The following COL15A1 variants were observed in gnomAD, a reference collection of about 807,000 sequenced individuals.
The protein encoded by COL15A1 is collagen type XV alpha 1 chain, also known as collagen alpha-1(XV) chain.
COL15A1 carries 111 observed loss-of-function variants against 165.9 expected under a neutral mutation model. The ratio of observed to expected loss-of-function variants is 0.67; its 90% CI spans 0.57 to 0.78. The LOEUF is 0.78. Among genes scored for constraint, COL15A1 ranks in the 30% least tolerant of loss-of-function variants. COL15A1 has a pLI of 0.00. For synonymous variants in COL15A1, 659 were observed against 674.8 expected, an observed-to-expected ratio of 0.98 and a Z score of 0.36; for missense variants, 1,745 against 1,789.7, an observed-to-expected ratio of 0.98 and a Z score of 0.45.
intron 2 of COL15A1, among the ~76,000 whole-genome samples, chr9:98,956,481 G>T (rs1307618383): frequency 6.6e-6 from 1 of 152,064 alleles, no homozygotes; most frequent in Non-Finnish European, 1.5e-5. Flanking sequence ...ACATCTGTGT[G>T]TGTATGTATA....
In COL15A1 at chr9:99,048,519, ATTTTGTTTTGTTTTG is replaced by A. The variant is rs112566357; in HGVS notation, c.2793+534_2793+548del. On this transcript the variant is annotated intron_variant, in intron 28 of 41. Transcript: ENST00000375001. ...TGTGTACCAGACACTGTGCAAAGTG[ATTTTGTTTTGTTTTG>A]TTTTGTTTTGTTTTATTATTATTAT... 2.0e-5 allele frequency among the ~76,000 whole-genome samples: 3 copies of A among 151,902 alleles called. No homozygotes were observed. In the South Asian group the frequency reaches 6.2e-4, roughly 32 times the overall value.
chr9:99,038,143 A>G (rs1424869126), intron 21 of COL15A1, among the ~76,000 whole-genome samples: 1 of 147,698 alleles, frequency 6.8e-6, no homozygotes, highest in African/African-American at 2.5e-5. Context: ...AAAATCAAAT[A>G]TGTGTAAGGG....
intron 12 of COL15A1, 144 bp from the exon 13 acceptor site, chr9:99,021,947 C>T: frequency 8.9e-7 from 1 of 1,117,528 alleles, no homozygotes; most frequent in Admixed American, 1.8e-5. Context: ...CAAGGCATTC[C>T]CTTAAGCTGT....
intron 2 of COL15A1, among the ~76,000 whole-genome samples, chr9:98,947,673 C>T (rs988453909): frequency 2.0e-5 from 3 of 152,160 alleles, no homozygotes; most frequent in African/African-American, 7.2e-5. Context: ...CCTCTTAGGG[C>T]ATTGATTCTC....
intron 5 of COL15A1, among the ~76,000 whole-genome samples, chr9:98,990,883 T>C (rs148509701): frequency 9.5e-4 from 145 of 152,322 alleles, no homozygotes; most frequent in Non-Finnish European, 1.7e-3. Flanking sequence ...GTGTTACAGT[T>C]CTTAAAGGTA....
chr9:99,041,280 T>C (rs1004270870), intron 23 of COL15A1: 19 of 152,184 alleles, frequency 1.2e-4, no homozygotes, highest in African/African-American at 4.1e-4. Context: ...TAATAACAAA[T>C]AGTTGAAAGC....
At chr9:98,984,303 G>A (rs1289683618) in intron 2 of COL15A1, among the ~76,000 whole-genome samples, 1 of 152,224 alleles carries the variant, frequency 6.6e-6, no homozygotes, top group Admixed American at 6.5e-5. Context: ...GCATGTTGCT[G>A]CAAGCTAGTC....
rs1415378784 is a variant in COL15A1, at chr9:99,016,081, C to A, written c.1609C>A (p.Pro537Thr). The A allele has an allele frequency of 1.9e-6, 3 of 1,613,488 alleles. No homozygotes were observed. The highest frequency in any genetic ancestry group is 1.1e-5 in the South Asian group (1 of 91,052). ...CCCTCCCCCTGATGGGCCACCGCTG[C>A]CCCTGCCCACAGTGGCTCCTGAAAG... ...GSPPPDGPPL[P>T]LPTVAPERWI... Residue 537 changes from proline (P) to threonine (T), a missense_variant, in exon 11 of 42, where the codon CCC becomes ACC. Physicochemically the swap from Pro to Thr is conservative, Grantham distance 38. Coordinates refer to ENST00000375001, the MANE Select transcript of COL15A1 (RefSeq NM_001855.5).
At chr9:98,965,423 C>A (rs1037665872) in intron 2 of COL15A1, among the ~76,000 whole-genome samples, 2 of 152,206 alleles carry the variant, frequency 1.3e-5, no homozygotes, top group African/African-American at 4.8e-5. Context: ...ATGGCATAGC[C>A]ACAGTCCCCA....
chr9:99,020,303 C>A, intron 11 of COL15A1, 86 bp from the exon 12 acceptor site: 1 of 971,980 alleles, frequency 1.0e-6, no homozygotes, highest in Non-Finnish European at 1.7e-6. Flanking sequence ...GCTCACTGAC[C>A]AGGACCAGGG....
intron 5 of COL15A1, among the ~76,000 whole-genome samples, chr9:98,995,816 A>G (rs1044242876): frequency 1.1e-4 from 16 of 152,196 alleles, no homozygotes; most frequent in African/African-American, 3.4e-4. Flanking sequence ...TTTATGTACT[A>G]AATATAAAGG....
chr9:99,020,270 G>A lies in COL15A1; in HGVS notation c.1648-119G>A, dbSNP rs1839003101. ...CATGGGGCTCACTGACTTCAGCCCA[G>A]TACAAGCCCTAGCTCATGCCCAGCT... is the stretch of plus-strand genomic sequence containing the variant. On this transcript the variant is annotated intron_variant, in intron 11 of 41. Coordinates refer to ENST00000375001, the MANE Select transcript of COL15A1 (RefSeq NM_001855.5). The A allele has an allele frequency of 4.0e-6, 3 of 757,330 alleles. No homozygotes were observed. The Admixed American group carries it at 5.6e-5, about 14-fold the overall frequency. 46.9% of individuals were successfully genotyped at this position (757,330 alleles called of 1,614,324 possible). A position where few individuals can be genotyped will look rare whatever the true frequency, so the allele number is the denominator to read the frequency against.
chr9:99,026,116 C>T, intron 16 of COL15A1, 150 bp downstream of exon 16: 2 of 701,800 alleles, frequency 2.8e-6, no homozygotes, highest in Non-Finnish European at 4.7e-6. Flanking sequence ...ATGTCTCCAT[C>T]ATGGGACTCA....
chr9:98,948,890 G>A (rs1026739885), intron 2 of COL15A1, among the ~76,000 whole-genome samples: 1 of 152,196 alleles, frequency 6.6e-6, no homozygotes, highest in African/African-American at 2.4e-5. Context: ...TCAGAAAAGT[G>A]CATGCTAAAG....
At chr9:98,980,371 G>A (rs1419178921) in intron 2 of COL15A1, among the ~76,000 whole-genome samples, 1 of 152,250 alleles carries the variant, frequency 6.6e-6, no homozygotes, top group East Asian at 1.9e-4. Flanking sequence ...GAGGGTGTGG[G>A]TGCGGGAGGT....
At chr9:98,995,596 C>T in intron 5 of COL15A1, among the ~76,000 whole-genome samples, 1 of 152,124 alleles carries the variant, frequency 6.6e-6, no homozygotes, top group East Asian at 1.9e-4. Flanking sequence ...GTTGCCAGGC[C>T]CTGACTTTCA....
chr9:99,055,094 T>C lies in COL15A1; in HGVS notation c.3032-8T>C, dbSNP rs1188782138. On this transcript the variant is annotated splice_region_variant and splice_polypyrimidine_tract_variant and intron_variant, in intron 32 of 41. Transcript: ENST00000375001. ...AATCGTGAATTTTACGAAGCATTTCTTTTTCAGGTCCTCCACTTGATCTAG... is the reference window on the plus strand; with the variant it reads ...AATCGTGAATTTTACGAAGCATTTCCTTTTCAGGTCCTCCACTTGATCTAG... The C allele has an allele frequency of 6.2e-7, 1 of 1,610,030 alleles. No individual in the cohort carries two copies. The highest frequency in any genetic ancestry group is 8.5e-7 in the Non-Finnish European group (1 of 1,176,232).
intron 6 of COL15A1, among the ~76,000 whole-genome samples, chr9:99,000,315 C>CATACAT (rs58933894): frequency 0.027 from 4,163 of 151,764 alleles, 154 homozygotes; most frequent in African/African-American, 0.086. Flanking sequence ...TATATAAGCA[C>CATACAT]ATACATATAC....
intron 30 of COL15A1, among the ~76,000 whole-genome samples, 196 bp from the exon 31 acceptor site, chr9:99,052,192 C>T (rs1839600631): frequency 6.6e-6 from 1 of 152,216 alleles, no homozygotes; most frequent in Non-Finnish European, 1.5e-5. Flanking sequence ...CATGGGTCTC[C>T]CAGTTTAAAG....
Sources: allele counts gnomAD v4.1 joint callset (sites outside exome capture counted in the v4.1 genomes callset), GRCh38; gene constraint gnomAD v4.1.1; transcripts MANE v1.5; gene names NCBI Gene and HGNC (gene_info 2026-07-23, HGNC 2026-07-21).